Variants in SGCZ observed in about 807,000 individuals in gnomAD.
The protein encoded by SGCZ is sarcoglycan zeta, also known as zeta-sarcoglycan.
SGCZ carries 40 observed loss-of-function variants against 41.3 expected under a neutral mutation model. That is an observed-to-expected ratio of 0.97 (90% CI 0.75 to 1.26). The LOEUF is 1.26. SGCZ is among the 50% of genes most tolerant of loss of function. SGCZ has a pLI of 0.00. For synonymous variants in SGCZ, 206 were observed against 137.5 expected, an observed-to-expected ratio of 1.50 and a Z score of -3.49; for missense variants, 552 against 369.8, an observed-to-expected ratio of 1.49 and a Z score of -4.04.
chr8:14,746,897 T>C (rs1455943125), intron 1 of SGCZ, among the ~76,000 whole-genome samples: 1 of 152,210 alleles, frequency 6.6e-6, no homozygotes, highest in Non-Finnish European at 1.5e-5. Context: ...ACTTTATTGA[T>C]TCCAATGCTC....
intron 1 of SGCZ, among the ~76,000 whole-genome samples, chr8:15,015,447 C>T (rs1484113162): frequency 6.6e-6 from 1 of 151,276 alleles, no homozygotes; most frequent in Non-Finnish European, 1.5e-5. Flanking sequence ...CACTTGTAAT[C>T]CCAGCACTTT....
intron 4 of SGCZ, among the ~76,000 whole-genome samples, chr8:14,237,264 C>G (rs1806795967): frequency 6.6e-6 from 1 of 151,954 alleles, no homozygotes; most frequent in Non-Finnish European, 1.5e-5. Flanking sequence ...CTACTAAATA[C>G]AGGAAACATG....
At chr8:14,232,433 C>CT (rs1806604937) in intron 4 of SGCZ, among the ~76,000 whole-genome samples, 1 of 151,982 alleles carries the variant, frequency 6.6e-6, no homozygotes, top group African/African-American at 2.4e-5. Context: ...ACAAATATCA[C>CT]TTTGTTTAAT....
At chr8:14,672,100 T>C (rs894049648) in intron 1 of SGCZ, among the ~76,000 whole-genome samples, 2 of 152,110 alleles carry the variant, frequency 1.3e-5, no homozygotes, top group Non-Finnish European at 2.9e-5. Flanking sequence ...GTACTGAAAA[T>C]AAATAATGCG....
intron 2 of SGCZ, among the ~76,000 whole-genome samples, chr8:14,372,044 G>A (rs77722795): frequency 0.027 from 4,069 of 151,968 alleles, 161 homozygotes; most frequent in African/African-American, 0.08. Context: ...AGATCAATAT[G>A]GACTAGAATA....
intron 2 of SGCZ, among the ~76,000 whole-genome samples, chr8:14,523,511 G>C (rs1463870493): frequency 6.6e-6 from 1 of 151,996 alleles, no homozygotes; most frequent in Non-Finnish European, 1.5e-5. Flanking sequence ...GGTCGTGACG[G>C]TTTCTGGTGA....
intron 1 of SGCZ, among the ~76,000 whole-genome samples, chr8:14,603,666 G>C (rs192548288): frequency 3.9e-5 from 6 of 152,208 alleles, no homozygotes; most frequent in Non-Finnish European, 7.4e-5. Flanking sequence ...ATTTAGATAT[G>C]ATTGATTAAT....
intron 1 of SGCZ, among the ~76,000 whole-genome samples, chr8:15,128,640 T>C (rs573464352): frequency 6.6e-6 from 1 of 152,146 alleles, no homozygotes; most frequent in African/African-American, 2.4e-5. Context: ...TATAAGTTAA[T>C]AAATCCTCCC....
intron 1 of SGCZ, among the ~76,000 whole-genome samples, chr8:15,230,221 C>T (rs1801900537): frequency 6.6e-6 from 1 of 150,614 alleles, no homozygotes; most frequent in Non-Finnish European, 1.5e-5. Context: ...TGAACCACTA[C>T]TTTGCAACAA....
chr8:14,308,266 G>A (rs1052975069), intron 3 of SGCZ, among the ~76,000 whole-genome samples: 1 of 151,958 alleles, frequency 6.6e-6, no homozygotes, highest in African/African-American at 2.4e-5. Flanking sequence ...TAATGAAAGC[G>A]CACGGAAAGG....
At chr8:15,159,992 G>A (rs1415590723) in intron 1 of SGCZ, among the ~76,000 whole-genome samples, 1 of 151,790 alleles carries the variant, frequency 6.6e-6, no homozygotes, top group Admixed American at 6.6e-5. Flanking sequence ...ATCAAGACCT[G>A]ATTTTTTTGT....
chr8:14,985,820 GACT>G (rs1423198019), intron 1 of SGCZ, among the ~76,000 whole-genome samples: 1 of 152,114 alleles, frequency 6.6e-6, no homozygotes, highest in Non-Finnish European at 1.5e-5. Flanking sequence ...AGTTTTTTAG[GACT>G]AGGATTTTAG....
intron 2 of SGCZ, among the ~76,000 whole-genome samples, chr8:14,527,043 T>C (rs1802970997): frequency 6.7e-6 from 1 of 149,970 alleles, no homozygotes; most frequent in Non-Finnish European, 1.5e-5. Context: ...CGTCAATGCC[T>C]TCTTAATATA....
intron 4 of SGCZ, among the ~76,000 whole-genome samples, chr8:14,166,643 T>G (rs985476841): frequency 6.6e-6 from 1 of 152,142 alleles, no homozygotes; most frequent in African/African-American, 2.4e-5. Context: ...TTTAATGGCA[T>G]AGATGTACAT....
At chr8:15,127,130 G>C (rs1056829065) in intron 1 of SGCZ, among the ~76,000 whole-genome samples, 2 of 152,068 alleles carry the variant, frequency 1.3e-5, no homozygotes, top group Non-Finnish European at 2.9e-5. Flanking sequence ...TCATGTATGA[G>C]ACACCATTTT....
chr8:14,726,467 CT>C (rs1285551402), intron 1 of SGCZ, among the ~76,000 whole-genome samples: 2 of 150,932 alleles, frequency 1.3e-5, no homozygotes, highest in Non-Finnish European at 1.5e-5. Context: ...TTAACAAAAG[CT>C]GTTTATATAT....
In SGCZ at chr8:14,917,586, C is replaced by A. The variant is rs564829045; in HGVS notation, c.39+319999G>T. 2.0e-3 allele frequency among the ~76,000 whole-genome samples: 311 copies of A among 152,138 alleles called. 1 individual carries two copies. The highest frequency in any genetic ancestry group is 7.1e-3 in the African/African-American group (296 of 41,544). On this transcript the variant is annotated intron_variant, in intron 1 of 7. Transcript: ENST00000382080. ...TGGTCTATTGATCCACAGCAAAGAA[C>A]CTCTTATTAGAAACTGACCAACCAA... is the stretch of plus-strand genomic sequence containing the variant.
chr8:14,689,211 A>G (rs2410208), intron 1 of SGCZ, among the ~76,000 whole-genome samples: 2 of 152,002 alleles, frequency 1.3e-5, no homozygotes, highest in Admixed American at 6.6e-5. Flanking sequence ...ACTAATTTTA[A>G]TTGTTTATTT....
At chr8:14,884,428 T>G (rs983711100) in intron 1 of SGCZ, among the ~76,000 whole-genome samples, 1 of 152,080 alleles carries the variant, frequency 6.6e-6, no homozygotes, top group Non-Finnish European at 1.5e-5. Flanking sequence ...ATTTATGCCA[T>G]AAGCTATAAA....
Sources: gnomAD v4.1 joint callset for allele counts (sites outside exome capture counted in the v4.1 genomes callset) on GRCh38, gnomAD v4.1.1 for gene constraint, MANE v1.5 for transcripts, NCBI Gene and HGNC (gene_info 2026-07-23, HGNC 2026-07-21) for gene names.